Variants in CACNA2D4 observed in about 807,000 individuals in gnomAD.
CACNA2D4 encodes calcium voltage-gated channel auxiliary subunit alpha2delta 4.
Under a neutral mutation model 163.8 loss-of-function variants are expected in CACNA2D4, and 157 were observed. The observed-to-expected ratio is 0.96, with a 90% confidence interval of 0.84 to 1.09. The LOEUF is 1.09. Among genes scored for constraint, CACNA2D4 ranks in the 50% least tolerant of loss-of-function variants. The pLI is 0.00. For synonymous variants in CACNA2D4, 598 were observed against 586.9 expected (o/e 1.02, Z -0.27); for missense variants, 1,410 against 1,479.9 (o/e 0.95, Z 0.78).
chr12:1,916,800 G>A (rs890264525), intron 1 of CACNA2D4, among the ~76,000 whole-genome samples: 4 of 152,212 alleles, frequency 2.6e-5, no homozygotes, highest in African/African-American at 9.7e-5. Context: ...AAGCCCGGCT[G>A]GAGGGAAAGA....
intron 26 of CACNA2D4, chr12:1,822,054 T>G (rs1399038118): frequency 6.6e-6 from 1 of 151,740 alleles, no homozygotes; most frequent in Admixed American, 6.6e-5. Context: ...GAGCCCAGCT[T>G]TTCCCACCCC....
At position 1,843,662 on chromosome 12, in the gene CACNA2D4, A is replaced by G. The variant is rs1865081121; in HGVS notation, c.2470+740T>C. 6.6e-6 allele frequency among the ~76,000 whole-genome samples: 1 copy of G among 152,258 alleles called. No individual in the cohort carries two copies. Among genetic ancestry groups the G allele is most frequent in the African/African-American group, 2.4e-5 (1 of 41,466 alleles). Reference sequence around the variant, plus strand: ...GTAAATCAAGAGCACCAGGCTATGCAGACACTGAAGCCTCTGCAGGATTTT... The same window carrying G: ...GTAAATCAAGAGCACCAGGCTATGCGGACACTGAAGCCTCTGCAGGATTTT... On this transcript the variant is annotated intron_variant, in intron 25 of 37. Coordinates refer to ENST00000382722, the MANE Select transcript of CACNA2D4 (RefSeq NM_172364.5). This position sits in a 1 kb window ranked among gnomAD's most constrained non-coding sequence, Gnocchi z 4.6.
At chr12:1,879,945 G>C in intron 13 of CACNA2D4, 64 bp from the exon 14 acceptor site, 6 of 1,129,094 alleles carry the variant, frequency 5.3e-6, no homozygotes, top group Non-Finnish European at 7.8e-6. Flanking sequence ...TGCCGCACTC[G>C]GAGCACCCAG....
At chr12:1,916,470 T>C (rs945966607) in intron 1 of CACNA2D4, among the ~76,000 whole-genome samples, 1 of 151,946 alleles carries the variant, frequency 6.6e-6, no homozygotes, top group African/African-American at 2.4e-5. Flanking sequence ...AAGGTAGGGA[T>C]TGAAATTCTG....
Position 1,883,819 on chromosome 12 carries a change from CCT to C in CACNA2D4, c.1351+422_1351+423del, listed in dbSNP as rs1866066557. ...GGACAATACTGAGAGGTAGACCGAC[CCT>C]GAGTCCATCCTGATCCCTCTTGGTC... On this transcript the variant is annotated intron_variant, in intron 12 of 37. Coordinates refer to ENST00000382722, the MANE Select transcript of CACNA2D4 (RefSeq NM_172364.5). This position sits in a 1 kb window ranked among gnomAD's most constrained non-coding sequence, Gnocchi z 4.5. 6.6e-6 allele frequency among the ~76,000 whole-genome samples: 1 copy of C among 152,152 alleles called. No homozygotes were observed. Among genetic ancestry groups the C allele is most frequent in the African/African-American group, 2.4e-5 (1 of 41,414 alleles).
Position 1,820,334 on chromosome 12 carries a change from T to C in CACNA2D4, c.2552-8611A>G, listed in dbSNP as rs1417933970. On this transcript the variant is annotated intron_variant, in intron 26 of 37. Coordinates refer to ENST00000382722, the MANE Select transcript of CACNA2D4 (RefSeq NM_172364.5). The surrounding 1 kb of genome is among the most constrained non-coding windows in gnomAD (Gnocchi z 6.0). ...TCCTCCTCCCTGTGGTCGGCAGCGATTCATCCACAGGCGCCTTTTTCCACT... is the reference window on the plus strand; with the variant it reads ...TCCTCCTCCCTGTGGTCGGCAGCGACTCATCCACAGGCGCCTTTTTCCACT... 2 of 152,180 alleles carry C rather than the reference T, an allele frequency of 1.3e-5. No homozygotes were observed. The highest frequency in any genetic ancestry group is 2.9e-5 in the Non-Finnish European group (2 of 68,014). 9.4% of individuals were successfully genotyped at this position (152,180 alleles called of 1,614,324 possible). A position where few individuals can be genotyped will look rare whatever the true frequency, so the allele number is the denominator to read the frequency against.
intron 16 of CACNA2D4, among the ~76,000 whole-genome samples, chr12:1,876,501 G>C (rs937399796): frequency 6.6e-6 from 1 of 152,214 alleles, no homozygotes; most frequent in Non-Finnish European, 1.5e-5. Context: ...TATCATTGAG[G>C]TAAATTAAGG....
intron 14 of CACNA2D4, among the ~76,000 whole-genome samples, chr12:1,879,510 C>T (rs74544234): frequency 0.047 from 7,179 of 152,204 alleles, 436 homozygotes; most frequent in African/African-American, 0.14. Flanking sequence ...GGAAGGCTGA[C>T]GGGAAACCCT....
At chr12:1,822,604 G>A (rs958335261) in intron 26 of CACNA2D4, among the ~76,000 whole-genome samples, 4 of 152,226 alleles carry the variant, frequency 2.6e-5, no homozygotes, top group African/African-American at 9.7e-5. Context: ...TTGAGATTGA[G>A]AATATTTGAC....
chr12:1,827,809 A>T, intron 26 of CACNA2D4: 1 of 303,884 alleles, frequency 3.3e-6, no homozygotes, highest in Non-Finnish European at 6.0e-6. Flanking sequence ...AAGGCAGATG[A>T]GGCTGGGTAG....
rs1865841447 is a variant in CACNA2D4 at position 1,874,337 on chromosome 12, A to C, written c.1878+267T>G. Among the ~76,000 whole-genome samples, 1 of 152,208 alleles carries C rather than the reference A, an allele frequency of 6.6e-6. No homozygotes were observed. The highest frequency in any genetic ancestry group is 2.4e-5 in the African/African-American group (1 of 41,440). On this transcript the variant is annotated intron_variant, in intron 18 of 37. Coordinates refer to ENST00000382722, the MANE Select transcript of CACNA2D4 (RefSeq NM_172364.5). This position sits in a 1 kb window ranked among gnomAD's most constrained non-coding sequence, Gnocchi z 4.4. ...GCAGGCAGCATAAGGAGGAAAGAAGAGCTGTAAATGCCTTGGCCAGCTTTC... is the reference window on the plus strand; with the variant it reads ...GCAGGCAGCATAAGGAGGAAAGAAGCGCTGTAAATGCCTTGGCCAGCTTTC...
At chr12:1,879,628 C>T (rs1362452496) in intron 14 of CACNA2D4, among the ~76,000 whole-genome samples, 176 bp downstream of exon 14, 1 of 152,206 alleles carries the variant, frequency 6.6e-6, no homozygotes, top group Non-Finnish European at 1.5e-5. Context: ...ACCACCAGCC[C>T]ACCTCCAACC....
At chr12:1,819,810 C>T (rs1167507016) in intron 26 of CACNA2D4, among the ~76,000 whole-genome samples, 1 of 152,212 alleles carries the variant, frequency 6.6e-6, no homozygotes, top group Non-Finnish European at 1.5e-5. Flanking sequence ...CAAGCTCGTC[C>T]CTGGCACTGA....
chr12:1,832,167 T>C (rs1405432500), intron 26 of CACNA2D4, among the ~76,000 whole-genome samples: 1 of 152,122 alleles, frequency 6.6e-6, no homozygotes, highest in African/African-American at 2.4e-5. Context: ...TCACATGACA[T>C]GGGAGAGGAG....
At chr12:1,851,408 A>C (rs1565710563) in intron 23 of CACNA2D4, among the ~76,000 whole-genome samples, 1 of 152,230 alleles carries the variant, frequency 6.6e-6, no homozygotes, top group Non-Finnish European at 1.5e-5. Flanking sequence ...ATCATTCTCC[A>C]TATGGCTCTC....
intron 6 of CACNA2D4, among the ~76,000 whole-genome samples, chr12:1,893,662 A>G (rs1329131926): frequency 2.0e-5 from 3 of 152,204 alleles, no homozygotes; most frequent in African/African-American, 7.2e-5. Context: ...TGAATGACCA[A>G]TGGGTCAAGG....
intron 12 of CACNA2D4, 102 bp downstream of exon 12, chr12:1,884,141 G>A (rs886642963): frequency 1.0e-6 from 1 of 956,926 alleles, no homozygotes; most frequent in Non-Finnish European, 1.6e-6. Flanking sequence ...GCTCCTCTTA[G>A]GGGCCCATGG....
intron 6 of CACNA2D4, among the ~76,000 whole-genome samples, chr12:1,906,151 T>A (rs1280630284): frequency 2.0e-5 from 3 of 152,162 alleles, no homozygotes; most frequent in Non-Finnish European, 4.4e-5. Flanking sequence ...GTTGAACTCT[T>A]ACCAAATACC....
At position 1,909,963 on chromosome 12, in the gene CACNA2D4, A is replaced by C. The variant is rs1299343026; in HGVS notation, c.429T>G (p.Asn143Lys). ...MLRRKVEAVQ[N>K]LVEAAEEADL... Reference sequence around the variant, plus strand: ...CGGCCTCCTCGGCAGCTTCCACCAGATTCTGAGGGATGGGAACACAGAGGT... The same window carrying C: ...CGGCCTCCTCGGCAGCTTCCACCAGCTTCTGAGGGATGGGAACACAGAGGT... Residue 143 changes from asparagine (N) to lysine (K), a missense_variant and splice_region_variant, in exon 4 of 38, where the codon AAT becomes AAG. By Grantham distance (94) the Asn-to-Lys change is moderately conservative. Coordinates refer to ENST00000382722, the MANE Select transcript of CACNA2D4 (RefSeq NM_172364.5). 6.2e-7 allele frequency: 1 copy of C among 1,613,636 alleles called. No individual in the cohort carries two copies.
Sources: allele counts gnomAD v4.1 joint callset (sites outside exome capture counted in the v4.1 genomes callset), GRCh38; gene constraint gnomAD v4.1.1; non-coding constraint Gnocchi (gnomAD v3.1); transcripts MANE v1.5; gene names NCBI Gene and HGNC (gene_info 2026-07-23, HGNC 2026-07-21).